Variants in CREB1 observed in about 807,000 individuals in gnomAD.
CREB1 encodes the protein cyclic AMP-responsive element-binding protein 1.
CREB1 carries 2 observed loss-of-function variants against 42.0 expected under a neutral mutation model. That is an observed-to-expected ratio of 0.05 (90% CI 0.02 to 0.15). CREB1 has a LOEUF of 0.15. Among genes scored for constraint, CREB1 ranks in the 10% least tolerant of loss-of-function variants. CREB1 has a pLI of 1.00. For missense variants in CREB1, 199 were observed against 388.9 expected, an observed-to-expected ratio of 0.51 and a Z score of 4.11; for synonymous variants, 123 against 139.9, an observed-to-expected ratio of 0.88 and a Z score of 0.85.
chr2:207,583,631 C>T (rs1022694804), intron 7 of CREB1, among the ~76,000 whole-genome samples: 3 of 152,142 alleles, frequency 2.0e-5, no homozygotes, highest in Admixed American at 2.0e-4. Flanking sequence ...AGATTTGTCA[C>T]AATCTTCAGT....
intron 2 of CREB1, among the ~76,000 whole-genome samples, chr2:207,558,718 C>T (rs145269210): frequency 1.1e-4 from 16 of 150,422 alleles, no homozygotes; most frequent in African/African-American, 3.7e-4. Context: ...GATCTCGGCT[C>T]ACTGCAACCT....
At chr2:207,561,230 C>G in intron 3 of CREB1, 1 of 1,329,614 alleles carries the variant, frequency 7.5e-7, no homozygotes, top group African/African-American at 1.5e-5. Flanking sequence ...TTCTTTATGT[C>G]TTTGTCCTTT....
At chr2:207,576,981 G>C (rs1166565279) in intron 6 of CREB1, 1 of 885,294 alleles carries the variant, frequency 1.1e-6, no homozygotes, top group Non-Finnish European at 1.4e-6. Context: ...TTGGCATCAA[G>C]TGATACACTT....
intron 3 of CREB1, 36 bp from the exon 4 acceptor site, chr2:207,567,427 T>G (rs2082182485): frequency 6.8e-7 from 1 of 1,471,520 alleles, no homozygotes; most frequent in Non-Finnish European, 9.4e-7. Context: ...AGGAACTAAA[T>G]TTGATTATCA....
intron 1 of CREB1, among the ~76,000 whole-genome samples, chr2:207,536,575 T>G (rs2106345118): frequency 6.6e-6 from 1 of 152,248 alleles, no homozygotes; most frequent in Middle Eastern, 3.4e-3. Context: ...ACAAAAGCTG[T>G]CATGGTATAT....
intron 2 of CREB1, chr2:207,559,402 A>T: frequency 2.0e-6 from 1 of 497,488 alleles, no homozygotes; most frequent in Non-Finnish European, 2.6e-6. Flanking sequence ...ACTGAATTGT[A>T]TTGTGTCTCT....
chr2:207,562,613 A>C (rs1488438158), intron 3 of CREB1, among the ~76,000 whole-genome samples: 1 of 152,196 alleles, frequency 6.6e-6, no homozygotes, highest in Non-Finnish European at 1.5e-5. Context: ...TGGATTCTAC[A>C]AATAGAGATA....
rs5838079 is a variant in CREB1 at position 207,593,719 on chromosome 2, C to CT, written c.840-3175dup. 2.1e-3 allele frequency among the ~76,000 whole-genome samples: 216 copies of CT among 102,638 alleles called. 3 individuals carry two copies. The highest frequency in any genetic ancestry group is 4.9e-3 in the Middle Eastern group (1 of 204). The allele number at this position is 102,638 out of a possible 152,430, so 67.3% of individuals were successfully genotyped here. A position where few individuals can be genotyped will look rare whatever the true frequency, so the allele number is the denominator to read the frequency against. ...TATTAACTCATTTGATCCTCACAAACTTTTTTTTTTTTTTTTTTTTGAGAC... is the reference window on the plus strand; with the variant it reads ...TATTAACTCATTTGATCCTCACAAACTTTTTTTTTTTTTTTTTTTTTGAGAC... On this transcript the variant is annotated intron_variant, in intron 7 of 7. Coordinates refer to ENST00000353267, the MANE Select transcript of CREB1 (RefSeq NM_004379.5).
Position 207,604,520 on chromosome 2 carries a change from G to A in CREB1, c.*7462G>A, listed in dbSNP as rs1374932538. On this transcript the variant is annotated 3_prime_UTR_variant, in exon 8 of 8. Transcript: ENST00000353267. ...CTTAAGTGCAGTGACCAAACCGGAT[G>A]AGAATTCTAACACGGGCCTGACATC... Among the ~76,000 whole-genome samples, 1 of 152,170 alleles carries A rather than the reference G, an allele frequency of 6.6e-6. No homozygotes were observed. The highest frequency in any genetic ancestry group is 6.5e-5 in the Admixed American group (1 of 15,274).
At chr2:207,545,487 G>A (rs1017353818) in intron 1 of CREB1, among the ~76,000 whole-genome samples, 4 of 151,662 alleles carry the variant, frequency 2.6e-5, no homozygotes, top group Admixed American at 2.0e-4. Flanking sequence ...GATTACAGAC[G>A]TGAGCCACTC....
chr2:207,577,483 C>T (rs2106580668), intron 6 of CREB1, 22 bp from the exon 7 acceptor site: 1 of 1,612,720 alleles, frequency 6.2e-7, no homozygotes, highest in South Asian at 1.1e-5. Context: ...CTGTCTTACA[C>T]CATGCTCACT....
At chr2:207,546,961 C>A (rs1345274448) in intron 1 of CREB1, among the ~76,000 whole-genome samples, 1 of 152,160 alleles carries the variant, frequency 6.6e-6, no homozygotes, top group Non-Finnish European at 1.5e-5. Context: ...TAGTTCCATT[C>A]CCAAATATTA....
At chr2:207,572,605 T>G (rs950509429) in intron 5 of CREB1, among the ~76,000 whole-genome samples, 2 of 151,862 alleles carry the variant, frequency 1.3e-5, no homozygotes. Context: ...ATCCTAAGAG[T>G]GGAATTATCG....
At chr2:207,561,293 TG>T in intron 3 of CREB1, 1 of 748,972 alleles carries the variant, frequency 1.3e-6, no homozygotes, top group Non-Finnish European at 2.2e-6. Flanking sequence ...AGAGATCTTC[TG>T]GGTCTAGGCC....
At chr2:207,556,716 A>G (rs1438589040) in intron 2 of CREB1, among the ~76,000 whole-genome samples, 1 of 152,220 alleles carries the variant, frequency 6.6e-6, no homozygotes, top group East Asian at 1.9e-4. Flanking sequence ...AAAGCCAAAT[A>G]CATCTAATGT....
At chr2:207,530,563 C>T (rs2080561954) in intron 1 of CREB1, among the ~76,000 whole-genome samples, 1 of 146,274 alleles carries the variant, frequency 6.8e-6, no homozygotes, top group African/African-American at 2.4e-5. Context: ...GGCGCTGCCC[C>T]CCGCGCCGCT....
At chr2:207,558,940 G>A (rs1026626115) in intron 2 of CREB1, among the ~76,000 whole-genome samples, 2 of 152,182 alleles carry the variant, frequency 1.3e-5, no homozygotes, top group African/African-American at 4.8e-5. Context: ...ACATTGCCCG[G>A]CCTAAAGTGA....
intron 2 of CREB1, among the ~76,000 whole-genome samples, chr2:207,559,494 G>T (rs2081872390): frequency 6.6e-6 from 1 of 152,020 alleles, no homozygotes; most frequent in Non-Finnish European, 1.5e-5. Flanking sequence ...TGTAGTTTCA[G>T]TTCTAACATT....
chr2:207,561,257 A>T, intron 3 of CREB1: 2 of 1,101,882 alleles, frequency 1.8e-6, no homozygotes, highest in Non-Finnish European at 2.7e-6. Flanking sequence ...ATAAACATGG[A>T]ATTTCAACAC....
Sources: gnomAD v4.1 joint callset for allele counts (sites outside exome capture counted in the v4.1 genomes callset) on GRCh38, gnomAD v4.1.1 for gene constraint, MANE v1.5 for transcripts, NCBI Gene and HGNC (gene_info 2026-07-23, HGNC 2026-07-21) for gene names.